The following WNK1 variants were observed in gnomAD, a reference collection of about 807,000 sequenced individuals.
WNK1 encodes the protein serine/threonine-protein kinase WNK1.
In WNK1, 38 loss-of-function variants were observed where a neutral mutation model predicts 222.8. That is an observed-to-expected ratio of 0.17 (90% CI 0.13 to 0.22). The LOEUF is 0.22. Ranked by LOEUF, WNK1 falls within the 10% of genes least tolerant of loss-of-function variation. WNK1 has a pLI of 1.00. For synonymous variants in WNK1, 1,090 were observed against 1,092.9 expected (o/e 1.00, Z 0.05); for missense variants, 2,348 against 2,918.4 (o/e 0.80, Z 4.50).
chr12:907,046 G>C (rs1275145319), intron 26 of WNK1, among the ~76,000 whole-genome samples: 1 of 9,444 alleles, frequency 1.1e-4, no homozygotes, highest in African/African-American at 2.4e-4. Flanking sequence ...AAAGCCGGGC[G>C]TGGTGGCTCA....
intron 1 of WNK1, among the ~76,000 whole-genome samples, chr12:767,399 C>T (rs560532889): frequency 1.3e-5 from 2 of 151,328 alleles, no homozygotes; most frequent in Non-Finnish European, 2.9e-5. Context: ...ATTACAGGCG[C>T]GCGCCACCAT....
Position 847,405 on chromosome 12 carries a change from C to G in WNK1, c.1312-9756C>G, listed in dbSNP as rs570666728. Among the ~76,000 whole-genome samples the G allele has an allele frequency of 9.6e-4, 146 of 152,176 alleles. 2 individuals are homozygous for G. Among genetic ancestry groups the G allele is most frequent in the South Asian group, 7.7e-3 (37 of 4,830 alleles). On this transcript the variant is annotated intron_variant, in intron 4 of 27. Transcript: ENST00000315939. ...GATTTGAGGTATACCCTGAAAGAAG[C>G]ATAAGACTCAGTTGACTGAAAAAAG...
At chr12:890,638 A>G (rs1247092902) in intron 22 of WNK1, 125 bp downstream of exon 22, 5 of 982,858 alleles carry the variant, frequency 5.1e-6, no homozygotes, top group African/African-American at 4.8e-5. Context: ...TGGTAGTAAT[A>G]TCTAAAGCTT....
At chr12:830,805 A>G (rs767580746) in intron 4 of WNK1, among the ~76,000 whole-genome samples, 22 of 152,336 alleles carry the variant, frequency 1.4e-4, no homozygotes, top group Admixed American at 1.0e-3. Flanking sequence ...AAAATTAACA[A>G]TCATTTCTGC....
At chr12:865,335 T>C in intron 8 of WNK1, 1 of 1,536,158 alleles carries the variant, frequency 6.5e-7, no homozygotes, top group South Asian at 1.2e-5. Flanking sequence ...GCACCGACGC[T>C]CCAGCCTGCC....
intron 26 of WNK1, chr12:906,666 T>C: frequency 1.0e-6 from 1 of 985,316 alleles, no homozygotes; most frequent in East Asian, 1.1e-4. Context: ...AGTTTATGTT[T>C]GCAAATTCAT....
chr12:879,518 T>G, intron 10 of WNK1, 55 bp from the exon 11 acceptor site: 2 of 951,378 alleles, frequency 2.1e-6, no homozygotes, highest in Non-Finnish European at 3.0e-6. Context: ...CCTTGCTTTT[T>G]TTTTTTTTTT....
At chr12:794,898 C>T (rs945791946) in intron 1 of WNK1, among the ~76,000 whole-genome samples, 12 of 152,038 alleles carry the variant, frequency 7.9e-5, no homozygotes, top group African/African-American at 1.9e-4. Context: ...ACTATGGGTG[C>T]GTATCATCGT....
At chr12:788,706 G>T (rs1944550140) in intron 1 of WNK1, among the ~76,000 whole-genome samples, 1 of 152,152 alleles carries the variant, frequency 6.6e-6, no homozygotes, top group Admixed American at 6.6e-5. Context: ...GGCCAAAATG[G>T]TGAAACCCCG....
At chr12:900,016 C>CT (rs11433731) in intron 25 of WNK1, among the ~76,000 whole-genome samples, 77,639 of 119,292 alleles carry the variant, frequency 0.65, 25,366 homozygotes, top group African/African-American at 0.71. Context: ...GGATTCTTTT[C>CT]TTTTTTTTTT....
intron 7 of WNK1, 39 bp downstream of exon 7, chr12:861,382 C>T: frequency 3.1e-6 from 5 of 1,603,018 alleles, no homozygotes; most frequent in Non-Finnish European, 4.3e-6. Context: ...GCTAATGATT[C>T]TCCTAATTGG....
intron 25 of WNK1, among the ~76,000 whole-genome samples, chr12:899,942 T>G (rs1430670935): frequency 6.6e-6 from 1 of 151,648 alleles, no homozygotes; most frequent in South Asian, 2.1e-4. Flanking sequence ...CTCAGACATG[T>G]GGCCCATCTA....
In WNK1 at chr12:868,287, G is replaced by A. The variant is rs750875177; in HGVS notation, c.2140-2978G>A. 5 of 1,605,914 alleles carry A rather than the reference G, an allele frequency of 3.1e-6. No individual in the cohort carries two copies. In the Admixed American group the frequency reaches 8.6e-5, roughly 28 times the overall value. ...CCTCAGGAAGCAGTGTATGTAGCTG[G>A]GGTACATTACCAGGCCCGGGTGGCA... On this transcript the variant is annotated intron_variant, in intron 8 of 27. Transcript: ENST00000315939.
chr12:854,460 C>T (rs537021178), intron 4 of WNK1, among the ~76,000 whole-genome samples: 8 of 145,392 alleles, frequency 5.5e-5, no homozygotes, highest in Admixed American at 2.8e-4. Flanking sequence ...TGGGTTCAAG[C>T]GATTCTCCTG....
intron 1 of WNK1, among the ~76,000 whole-genome samples, chr12:765,659 G>A (rs1941605692): frequency 6.6e-6 from 1 of 152,088 alleles, no homozygotes; most frequent in Admixed American, 6.6e-5. Context: ...GACTGTGCAT[G>A]GTGGCTCATA....
At chr12:766,389 G>T (rs946964843) in intron 1 of WNK1, among the ~76,000 whole-genome samples, 1 of 152,170 alleles carries the variant, frequency 6.6e-6, no homozygotes, top group Non-Finnish European at 1.5e-5. Flanking sequence ...GCTGGAAAAG[G>T]TCTTTAAAAG....
chr12:907,967 A>G lies in WNK1; in HGVS notation c.6764A>G (p.Asp2255Gly). The part of the protein sequence containing the change: ...TFTDDLHKLV[D>G]NWARDAMNLS... ...ACAGATGACTTGCACAAGTTGGTAG[A>G]CAATTGGGCCCGAGATGCCATGAAT... Residue 2255 changes from aspartate to glycine, a missense_variant, in exon 27 of 28, where the codon GAC (aspartate) becomes GGC (glycine). Physicochemically the swap from Asp to Gly is moderately conservative, Grantham distance 94. Transcript: ENST00000315939. 1 of 1,614,220 alleles carries G rather than the reference A, an allele frequency of 6.2e-7. No individual in the cohort carries two copies. The highest frequency in any genetic ancestry group is 8.5e-7 in the Non-Finnish European group (1 of 1,180,040).
At chr12:823,291 G>A (rs1948057882) in intron 2 of WNK1, among the ~76,000 whole-genome samples, 1 of 152,094 alleles carries the variant, frequency 6.6e-6, no homozygotes, top group African/African-American at 2.4e-5. Flanking sequence ...AGAGTTTGTT[G>A]AACTTTTTGG....
At chr12:905,636 C>G (rs1395942456) in intron 26 of WNK1, among the ~76,000 whole-genome samples, 3 of 152,092 alleles carry the variant, frequency 2.0e-5, no homozygotes, top group African/African-American at 7.2e-5. Flanking sequence ...GATGACAATC[C>G]CCATGCATGT....
Sources: gnomAD v4.1 joint callset for allele counts (sites outside exome capture counted in the v4.1 genomes callset) on GRCh38, gnomAD v4.1.1 for gene constraint, MANE v1.5 for transcripts, NCBI Gene and HGNC (gene_info 2026-07-23, HGNC 2026-07-21) for gene names.